The following SDK1 variants were observed in gnomAD, a reference collection of about 807,000 sequenced individuals.
The protein encoded by SDK1 is sidekick cell adhesion molecule 1, also known as protein sidekick-1.
SDK1 carries 157 observed loss-of-function variants against 245.5 expected under a neutral mutation model. That is an observed-to-expected ratio of 0.64 (90% CI 0.56 to 0.73). The LOEUF (loss-of-function observed/expected upper bound fraction) is 0.73. Among genes scored for constraint, SDK1 ranks in the 30% least tolerant of loss-of-function variants. The pLI is 0.00. For synonymous variants in SDK1, 1,647 were observed against 1,278.5 expected (o/e 1.29, Z -6.15); for missense variants, 3,583 against 3,002.3 (o/e 1.19, Z -4.52).
intron 4 of SDK1, among the ~76,000 whole-genome samples, chr7:3,816,986 A>G (rs923299850): frequency 6.6e-6 from 1 of 152,228 alleles, no homozygotes; most frequent in African/African-American, 2.4e-5. Flanking sequence ...GTAAAACTAT[A>G]GACTCAAATT....
At chr7:3,934,803 CG>C (rs1780098954) in intron 5 of SDK1, among the ~76,000 whole-genome samples, 1 of 152,146 alleles carries the variant, frequency 6.6e-6, no homozygotes, top group African/African-American at 2.4e-5. Flanking sequence ...GTGCACTGAG[CG>C]GTGACCCCAG....
intron 4 of SDK1, among the ~76,000 whole-genome samples, chr7:3,771,487 T>C (rs1780404946): frequency 6.6e-6 from 1 of 152,212 alleles, no homozygotes; most frequent in Non-Finnish European, 1.5e-5. Flanking sequence ...GTTGTGCATA[T>C]GTATGACTGA....
intron 10 of SDK1, 125 bp downstream of exon 10, chr7:3,967,559 A>C: frequency 1.5e-6 from 1 of 666,652 alleles, no homozygotes; most frequent in Non-Finnish European, 2.6e-6. Context: ...AGATTAAATA[A>C]CTCTTATTGC....
intron 5 of SDK1, among the ~76,000 whole-genome samples, chr7:3,920,388 G>A (rs1197170118): frequency 1.3e-5 from 2 of 152,112 alleles, no homozygotes; most frequent in Non-Finnish European, 1.5e-5. Flanking sequence ...ATACTTGGGA[G>A]TCTGGGGGGA....
intron 1 of SDK1, among the ~76,000 whole-genome samples, chr7:3,383,396 G>A (rs956815920): frequency 3.9e-5 from 6 of 152,092 alleles, no homozygotes; most frequent in Admixed American, 1.3e-4. Flanking sequence ...GGGTGACAGC[G>A]AGACCCTGTT....
intron 5 of SDK1, among the ~76,000 whole-genome samples, chr7:3,919,391 T>C (rs998192084): frequency 6.6e-6 from 1 of 152,214 alleles, no homozygotes; most frequent in African/African-American, 2.4e-5. Context: ...AACCATCTAC[T>C]GCTGCAGGTC....
chr7:3,662,973 A>T (rs953125281), intron 4 of SDK1, among the ~76,000 whole-genome samples: 21 of 152,176 alleles, frequency 1.4e-4, no homozygotes, highest in African/African-American at 4.3e-4. Flanking sequence ...TCAACCTGTA[A>T]TATGTATTAT....
At chr7:4,101,867 G>A (rs966689917) in intron 22 of SDK1, among the ~76,000 whole-genome samples, 1 of 152,058 alleles carries the variant, frequency 6.6e-6, no homozygotes, top group African/African-American at 2.4e-5. Flanking sequence ...GACACACTCA[G>A]GAGGGTCAGA....
intron 1 of SDK1, among the ~76,000 whole-genome samples, chr7:3,588,193 G>A (rs912243881): frequency 1.3e-5 from 2 of 152,112 alleles, no homozygotes; most frequent in African/African-American, 4.8e-5. Flanking sequence ...TCAAATATAA[G>A]GTTTCTTCAA....
At chr7:3,668,106 A>G (rs979890149) in intron 4 of SDK1, among the ~76,000 whole-genome samples, 4 of 152,180 alleles carry the variant, frequency 2.6e-5, no homozygotes, top group African/African-American at 9.7e-5. Context: ...CAGAGGGATA[A>G]TGGCAGTTTT....
At chr7:3,983,150 G>T (rs1056100075) in intron 13 of SDK1, among the ~76,000 whole-genome samples, 4 of 152,222 alleles carry the variant, frequency 2.6e-5, no homozygotes, top group Non-Finnish European at 5.9e-5. Flanking sequence ...CGTGAACATT[G>T]TTGAAATGGC....
chr7:4,216,538 A>G (rs1459315436), intron 38 of SDK1, among the ~76,000 whole-genome samples: 3 of 152,238 alleles, frequency 2.0e-5, no homozygotes, highest in East Asian at 1.9e-4. Context: ...ATGACTTTCA[A>G]TATTTTGCTC....
chr7:3,839,640 C>T (rs1780108607), intron 5 of SDK1, among the ~76,000 whole-genome samples: 1 of 151,944 alleles, frequency 6.6e-6, no homozygotes, highest in South Asian at 2.1e-4. Flanking sequence ...AAGTAATATC[C>T]ATCCATGAAT....
At chr7:3,829,288 G>C (rs77372761) in intron 5 of SDK1, among the ~76,000 whole-genome samples, 2,305 of 152,254 alleles carry the variant, frequency 0.015, 55 homozygotes, top group African/African-American at 0.052. Context: ...ACAACTGTTT[G>C]AAGCTATATG....
At chr7:3,406,986 G>A (rs1344707948) in intron 1 of SDK1, among the ~76,000 whole-genome samples, 1 of 151,994 alleles carries the variant, frequency 6.6e-6, no homozygotes, top group East Asian at 1.9e-4. Flanking sequence ...AACTAGAGTG[G>A]ATGAGGCACA....
intron 1 of SDK1, among the ~76,000 whole-genome samples, chr7:3,465,098 G>A (rs75288104): frequency 1.3e-5 from 2 of 152,292 alleles, no homozygotes; most frequent in East Asian, 3.9e-4. Flanking sequence ...TAATCCGTAA[G>A]TGAGATTACC....
rs190960024 is a variant in SDK1 at position 3,481,577 on chromosome 7, C to G, written c.299-137503C>G. On this transcript the variant is annotated intron_variant, in intron 1 of 44. Coordinates refer to ENST00000404826, the MANE Select transcript of SDK1 (RefSeq NM_152744.4). ...AAAGAATTAGGTCCAGGTATTTATT[C>G]TGACCCTTGAACCACCCTTCCTTCC... Among the ~76,000 whole-genome samples, 251 of 152,326 alleles carry G rather than the reference C, an allele frequency of 1.6e-3. 2 individuals are homozygous for G. Among genetic ancestry groups the G allele is most frequent in the African/African-American group, 6.0e-3 (249 of 41,578 alleles).
intron 1 of SDK1, among the ~76,000 whole-genome samples, chr7:3,344,126 G>A (rs1246607199): frequency 6.6e-6 from 1 of 151,948 alleles, no homozygotes; most frequent in African/African-American, 2.4e-5. Flanking sequence ...TGGACACAGT[G>A]AAAACTGTGT....
At chr7:3,840,280 G>A (rs12538997) in intron 5 of SDK1, among the ~76,000 whole-genome samples, 28,672 of 152,066 alleles carry the variant, frequency 0.19, 2,860 homozygotes, top group Middle Eastern at 0.35. Flanking sequence ...GGGGAGAAGA[G>A]AACATGTTGG....
Sources: allele counts gnomAD v4.1 joint callset (sites outside exome capture counted in the v4.1 genomes callset), GRCh38; gene constraint gnomAD v4.1.1; transcripts MANE v1.5; gene names NCBI Gene and HGNC (gene_info 2026-07-23, HGNC 2026-07-21).